Variants in DST observed in about 807,000 individuals in gnomAD.
The protein encoded by DST is dystonin, also known as bullous pemphigoid antigen.
DST carries 253 observed loss-of-function variants against 875.2 expected under a neutral mutation model. That is an observed-to-expected ratio of 0.29 (90% confidence interval 0.26 to 0.32). The LOEUF (loss-of-function observed/expected upper bound fraction) is 0.32. Ranked by LOEUF, DST falls within the 10% of genes least tolerant of loss-of-function variation. The pLI, the probability that DST is intolerant of heterozygous loss-of-function variation, is 1.00. For synonymous variants in DST, 3,124 were observed against 3,197.1 expected (o/e 0.98, Z 0.77); for missense variants, 8,287 against 9,111.6 (o/e 0.91, Z 3.68).
At chr6:56,844,767 G>A (rs1197716651) in intron 4 of DST, among the ~76,000 whole-genome samples, 2 of 151,944 alleles carry the variant, frequency 1.3e-5, no homozygotes, top group Admixed American at 1.3e-4. Context: ...CAGCTACTCG[G>A]GAGGTTGAGG....
chr6:56,663,959 T>A (rs1018031187), intron 10 of DST, among the ~76,000 whole-genome samples: 1 of 152,152 alleles, frequency 6.6e-6, no homozygotes, highest in African/African-American at 2.4e-5. Context: ...ATTATTTATT[T>A]ATTTATGTTT....
chr6:56,800,447 A>C (rs1438557669), intron 4 of DST, among the ~76,000 whole-genome samples: 1 of 152,190 alleles, frequency 6.6e-6, no homozygotes, highest in Non-Finnish European at 1.5e-5. Context: ...ATAAGCATTT[A>C]GTTTGTTTCT....
intron 49 of DST, among the ~76,000 whole-genome samples, chr6:56,587,356 A>G (rs2098175513): frequency 6.6e-6 from 1 of 152,226 alleles, no homozygotes; most frequent in African/African-American, 2.4e-5. Context: ...AGGGAAGTTC[A>G]GAGAAAAAAG....
chr6:56,775,627 A>G (rs1312239307), intron 4 of DST, among the ~76,000 whole-genome samples: 1 of 152,200 alleles, frequency 6.6e-6, no homozygotes, highest in Non-Finnish European at 1.5e-5. Flanking sequence ...ACACAAGATG[A>G]GCCTCAAGCA....
intron 3 of DST, among the ~76,000 whole-genome samples, chr6:56,880,727 C>T (rs1455663662): frequency 2.0e-5 from 3 of 149,598 alleles, no homozygotes; most frequent in African/African-American, 7.3e-5. Context: ...GAAAGCAGTG[C>T]TGTTCTGTTT....
intron 49 of DST, among the ~76,000 whole-genome samples, chr6:56,580,424 C>T (rs1383914141): frequency 6.6e-6 from 1 of 152,008 alleles, no homozygotes; most frequent in East Asian, 1.9e-4. Flanking sequence ...GTAGTCTGTG[C>T]CTGTAGTCTC....
At chr6:56,877,143 T>C (rs1779952018) in intron 3 of DST, among the ~76,000 whole-genome samples, 1 of 152,220 alleles carries the variant, frequency 6.6e-6, no homozygotes, top group Non-Finnish European at 1.5e-5. Context: ...TGTCACCTTA[T>C]CAAAGAATGT....
chr6:56,511,210 G>A lies in DST; in HGVS notation c.18767C>T (p.Ser6256Phe), dbSNP rs746454236. The change falls in exon 73 of 104, where the codon TCT (serine) becomes TTT (phenylalanine). Residue 6256 changes from serine (S) to phenylalanine (F), a missense_variant. By Grantham distance (155) the Ser-to-Phe change is radical. Coordinates refer to ENST00000680361, the MANE Select transcript of DST (RefSeq NM_001374736.1). Reference sequence around the variant, plus strand: ...GTAAACAATTACCTGAGTTGATTGAGAAATGGCTTCATCCAGTGCCACAGC... The same window carrying A: ...GTAAACAATTACCTGAGTTGATTGAAAAATGGCTTCATCCAGTGCCACAGC... ...KRAVALDEAI[S>F]QSTQFHDKID... is the part of the protein sequence containing the mutation. 3 of 1,582,024 alleles carry A rather than the reference G, an allele frequency of 1.9e-6. No homozygotes were observed. In the African/African-American group the frequency reaches 4.0e-5, roughly 21 times the overall value.
chr6:56,904,128 A>G (rs942812396), intron 2 of DST, among the ~76,000 whole-genome samples: 3 of 152,240 alleles, frequency 2.0e-5, no homozygotes, highest in Non-Finnish European at 4.4e-5. Flanking sequence ...CATTCACTAT[A>G]ATTACTATGG....
At chr6:56,693,053 T>C in intron 9 of DST, 6 of 1,289,814 alleles carry the variant, frequency 4.7e-6, no homozygotes, top group Non-Finnish European at 6.1e-6. Flanking sequence ...AAATATTTTC[T>C]TCCAGGAGAG....
intron 2 of DST, among the ~76,000 whole-genome samples, chr6:56,929,553 T>C (rs1809037826): frequency 6.6e-6 from 1 of 152,118 alleles, no homozygotes; most frequent in African/African-American, 2.4e-5. Flanking sequence ...AAACTAAGAA[T>C]AGTCATTACT....
rs1225597866 is a variant in DST at position 56,546,351 on chromosome 6, T to TATATATATATATATATATTTC, written c.16608+5832_16608+5833insGAAATATATATATATATATAT. Among the ~76,000 whole-genome samples, 16 of 23,050 alleles carry TATATATATATATATATATTTC rather than the reference T, an allele frequency of 6.9e-4. No individual in the cohort carries two copies. In the African/African-American group the frequency reaches 7.9e-3, roughly 11 times the overall value. 15.1% of individuals were successfully genotyped at this position (23,050 alleles called of 152,430 possible). ...AATTGAAATATATACATATTTCATATATATATATATATATATATATATATA... is the reference window on the plus strand; with the variant it reads ...AATTGAAATATATACATATTTCATATATATATATATATATATATTTCATATATATATATATATATATATATA... On this transcript the variant is annotated intron_variant, in intron 61 of 103. Coordinates refer to ENST00000680361, the MANE Select transcript of DST (RefSeq NM_001374736.1).
intron 5 of DST, among the ~76,000 whole-genome samples, chr6:56,726,230 CCT>C (rs1198570296): frequency 1.3e-5 from 2 of 152,168 alleles, no homozygotes; most frequent in Non-Finnish European, 2.9e-5. Flanking sequence ...TGGCCTTCTA[CCT>C]CTCTGATTAC....
At chr6:56,916,053 A>G (rs1800776369) in intron 2 of DST, among the ~76,000 whole-genome samples, 1 of 152,230 alleles carries the variant, frequency 6.6e-6, no homozygotes, top group Non-Finnish European at 1.5e-5. Context: ...GATAGTTCAT[A>G]TAGTTCAGAC....
At chr6:56,876,612 A>G (rs994867702) in intron 3 of DST, among the ~76,000 whole-genome samples, 10 of 152,218 alleles carry the variant, frequency 6.6e-5, no homozygotes, top group Non-Finnish European at 1.0e-4. Context: ...TCCACCCTCT[A>G]TCTTGGATCA....
chr6:56,843,352 C>T (rs2099802823), intron 4 of DST: 1 of 1,192,988 alleles, frequency 8.4e-7, no homozygotes, highest in East Asian at 3.5e-5. Context: ...CCCAGGCCTC[C>T]GGGCAGGCCG....
chr6:56,670,129 C>CGT (rs1005416477), intron 10 of DST, among the ~76,000 whole-genome samples: 4 of 107,826 alleles, frequency 3.7e-5, no homozygotes, highest in African/African-American at 1.2e-4. Flanking sequence ...TGCGAGCGCC[C>CGT]GTGCGTGTGT....
chr6:56,883,050 T>C (rs1485732359), intron 3 of DST, among the ~76,000 whole-genome samples: 9 of 152,152 alleles, frequency 5.9e-5, no homozygotes, highest in African/African-American at 1.7e-4. Context: ...ATATTTTTAG[T>C]AGAGATGGGG....
At chr6:56,916,776 T>A (rs867193797) in intron 2 of DST, among the ~76,000 whole-genome samples, 2,608 of 71,502 alleles carry the variant, frequency 0.036, 52 homozygotes, top group African/African-American at 0.11. Flanking sequence ...TCTCTCTCTC[T>A]CTCACACACA....
Sources: gnomAD v4.1 joint callset for allele counts (sites outside exome capture counted in the v4.1 genomes callset) on GRCh38, gnomAD v4.1.1 for gene constraint, MANE v1.5 for transcripts, NCBI Gene and HGNC (gene_info 2026-07-23, HGNC 2026-07-21) for gene names.